TPM1: variants seen among roughly 807,000 people sequenced by gnomAD.
TPM1 encodes the protein tropomyosin alpha-1 chain.
In TPM1, 24 loss-of-function variants were observed where a neutral mutation model predicts 42.9. The ratio of observed to expected loss-of-function variants is 0.56; its 90% CI spans 0.41 to 0.79. TPM1 has a LOEUF of 0.79. Ranked by LOEUF, TPM1 falls within the 30% of genes least tolerant of loss-of-function variation. TPM1 has a pLI of 0.00. For missense variants in TPM1, 158 were observed against 351.8 expected, an observed-to-expected ratio of 0.45 and a Z score of 4.41; for synonymous variants, 136 against 130.1, an observed-to-expected ratio of 1.05 and a Z score of -0.31.
chr15:63,062,894 A>C (rs1166746521), intron 8 of TPM1: 5 of 1,478,700 alleles, frequency 3.4e-6, no homozygotes, highest in Non-Finnish European at 4.5e-6. Context: ...TGCTCATTAC[A>C]AGTGTGGCAG....
intron 2 of TPM1, chr15:63,048,871 GGGCCC>G: frequency 1.1e-6 from 1 of 890,370 alleles, no homozygotes; most frequent in East Asian, 2.7e-5. Context: ...CTCTGGGGAG[GGGCCC>G]GGCCTGTTCT....
intron 9 of TPM1, chr15:63,065,310 A>T (rs931097534): frequency 6.6e-5 from 65 of 989,918 alleles, no homozygotes; most frequent in Non-Finnish European, 7.6e-5. Context: ...TCATTCTAAT[A>T]TCACCCTGAA....
chr15:63,062,568 C>T lies in TPM1; in HGVS notation c.703-8C>T. 1 of 1,614,164 alleles carries T rather than the reference C, an allele frequency of 6.2e-7. No individual in the cohort carries two copies. Among genetic ancestry groups the T allele is most frequent in the Non-Finnish European group, 8.5e-7 (1 of 1,179,998 alleles). On this transcript the variant is annotated splice_polypyrimidine_tract_variant and splice_region_variant and intron_variant, in intron 7 of 9. Coordinates refer to ENST00000403994, the MANE Select transcript of TPM1 (RefSeq NM_001018005.2). ...CTTCCCAACTTTAACTCAAATAAAT[C>T]ATTACAGGCTGAGACTCGGGCTGAG...
At chr15:63,068,873 G>A (rs1438799659), downstream of TPM1, among the ~76,000 whole-genome samples, 1 of 152,222 alleles carries the variant, frequency 6.6e-6, no homozygotes, top group East Asian at 1.9e-4. Context: ...ATAGGGCTGG[G>A]CGCGGTGGCT....
At chr15:63,046,304 C>T (rs559315523) in intron 2 of TPM1, 11 of 152,148 alleles carry the variant, frequency 7.2e-5, no homozygotes, top group South Asian at 4.1e-4. Flanking sequence ...TGAGAGTATT[C>T]GTTTTTTATT....
intron 6 of TPM1, chr15:63,061,997 C>A: frequency 1.5e-6 from 1 of 664,196 alleles, no homozygotes. Flanking sequence ...TAATTTAAAC[C>A]AAGTGCCAAG....
chr15:63,047,223 C>G (rs2032571029), intron 2 of TPM1: 1 of 152,288 alleles, frequency 6.6e-6, no homozygotes, highest in Non-Finnish European at 1.5e-5. Context: ...TTGTGAGAGT[C>G]TCAGCAGAGG....
chr15:63,048,263 A>G, intron 2 of TPM1: 1 of 540,790 alleles, frequency 1.8e-6, no homozygotes. Context: ...CCAGCTCACC[A>G]GGTACCCCCG....
At chr15:63,069,826 T>G (rs1566976117), downstream of TPM1, 1 of 1,613,432 alleles carries the variant, frequency 6.2e-7, no homozygotes, top group Non-Finnish European at 8.5e-7. Flanking sequence ...TAACCTGTCT[T>G]CCTTCTGCCT....
chr15:63,048,911 C>T (rs779611467), intron 2 of TPM1: 1 of 703,472 alleles, frequency 1.4e-6, no homozygotes, highest in South Asian at 1.6e-5. Flanking sequence ...TTCCATCTCG[C>T]TGATCCAAAG....
rs4075584 is a variant in TPM1 at position 63,048,093 on chromosome 15, C to T, written c.240+3941C>T. The T allele has an allele frequency of 0.83, 325,451 of 390,940 alleles. 135,901 individuals are homozygous for T. Among genetic ancestry groups the T allele is most frequent in the East Asian group, 1 (10,760 of 10,810 alleles). 24.2% of individuals were successfully genotyped at this position (390,940 alleles called of 1,614,324 possible). ...CCCGCCGCTCAGCTTCTCTGGCTCCCGGGCATGGGAATCTGGACTCGGGAG... is the reference window on the plus strand; with the variant it reads ...CCCGCCGCTCAGCTTCTCTGGCTCCTGGGCATGGGAATCTGGACTCGGGAG... On this transcript the variant is annotated intron_variant, in intron 2 of 9. Coordinates refer to ENST00000403994, the MANE Select transcript of TPM1 (RefSeq NM_001018005.2).
At chr15:63,057,957 TG>T (rs1476980466) in intron 3 of TPM1, among the ~76,000 whole-genome samples, 3 of 152,246 alleles carry the variant, frequency 2.0e-5, no homozygotes, top group Non-Finnish European at 2.9e-5. Context: ...TGCTGTGACC[TG>T]GGCAAGTGAA....
chr15:63,059,866 C>A, intron 4 of TPM1, 186 bp downstream of exon 4: 1 of 447,710 alleles, frequency 2.2e-6, no homozygotes, highest in Non-Finnish European at 4.2e-6. Context: ...TAGGGGATCC[C>A]AGGCTTTATC....
chr15:63,043,927 T>A (rs1287974436), intron 1 of TPM1, 100 bp from the exon 2 acceptor site: 47 of 1,557,054 alleles, frequency 3.0e-5, no homozygotes, highest in Non-Finnish European at 3.7e-5. Flanking sequence ...TCTCCCGCTG[T>A]CCCTGTCCTT....
rs1166767900 is a variant in TPM1 at position 63,065,999 on chromosome 15, T to C, written c.*100T>C. 1 of 1,563,720 alleles carries C rather than the reference T, an allele frequency of 6.4e-7. No homozygotes were observed. Among genetic ancestry groups the C allele is most frequent in the Admixed American group, 1.9e-5 (1 of 52,262 alleles). On this transcript the variant is annotated 3_prime_UTR_variant, in exon 10 of 10. Transcript: ENST00000403994. ...TATTCTCCAGCTGACCCTGGTTCTC[T>C]CTCTTAGCATCCTGCCTTAGAGCCA...
intron 2 of TPM1, among the ~76,000 whole-genome samples, chr15:63,053,751 G>A (rs1237622094): frequency 2.1e-5 from 3 of 143,756 alleles, no homozygotes; most frequent in African/African-American, 5.2e-5. Context: ...GCATGATCTC[G>A]GCTCACTGCA....
intron 5 of TPM1, 132 bp from the exon 6 acceptor site, chr15:63,061,581 A>G (rs898300001): frequency 1.1e-5 from 10 of 894,824 alleles, no homozygotes; most frequent in Non-Finnish European, 1.7e-5. Flanking sequence ...TTAATACCTG[A>G]TGATTTGGCT....
chr15:63,058,022 G>A (rs1385343630), intron 3 of TPM1, among the ~76,000 whole-genome samples: 2 of 152,146 alleles, frequency 1.3e-5, no homozygotes, highest in African/African-American at 2.4e-5. Context: ...CTACCACTAG[G>A]TACCAGGTAT....
downstream of TPM1, chr15:63,070,290 G>GTGTGTA (rs946549260): frequency 1.2e-3 from 581 of 502,920 alleles, 8 homozygotes; most frequent in African/African-American, 0.012. Context: ...CTTTAAGTAT[G>GTGTGTA]TATATATATA....
Sources: allele counts gnomAD v4.1 joint callset (sites outside exome capture counted in the v4.1 genomes callset), GRCh38; gene constraint gnomAD v4.1.1; transcripts MANE v1.5; gene names NCBI Gene and HGNC (gene_info 2026-07-23, HGNC 2026-07-21).